The following TBCA variants were observed in gnomAD, a reference collection of about 807,000 sequenced individuals.
TBCA encodes the protein tubulin folding cofactor A, also known as tubulin-specific chaperone A.
Under a neutral mutation model 15.8 loss-of-function variants are expected in TBCA, and 6 were observed. The ratio of observed to expected loss-of-function variants is 0.38; its 90% CI spans 0.21 to 0.75. The LOEUF (loss-of-function observed/expected upper bound fraction) is 0.75, where lower values mean the gene tolerates loss of function less well. TBCA is among the 30% of genes least tolerant of loss of function. The pLI is 0.46. For missense variants in TBCA, 90 were observed against 131.2 expected (o/e 0.69, Z 1.53); for synonymous variants, 32 against 42.3 (o/e 0.76, Z 0.94).
intron 1 of TBCA, 57 bp from the exon 2 acceptor site, chr5:77,708,404 A>G (rs9791128): frequency 0.12 from 122,373 of 1,008,324 alleles, 10,439 homozygotes; most frequent in East Asian, 0.38. Flanking sequence ...ACCATAAGAA[A>G]GAAACTGTGT....
intron 1 of TBCA, chr5:77,708,627 T>C (rs1363527837): frequency 5.7e-6 from 1 of 175,038 alleles, no homozygotes; most frequent in Admixed American, 5.9e-5. Flanking sequence ...TGGAGTGCAG[T>C]GGCGAGATCT....
chr5:77,712,496 T>C (rs1040529060), intron 1 of TBCA, among the ~76,000 whole-genome samples: 1 of 152,168 alleles, frequency 6.6e-6, no homozygotes, highest in Non-Finnish European at 1.5e-5. Flanking sequence ...ATAAGAATAC[T>C]GAAGACAAGT....
chr5:77,765,717 C>G (rs1204409312), intron 1 of TBCA, among the ~76,000 whole-genome samples: 1 of 152,116 alleles, frequency 6.6e-6, no homozygotes, highest in Non-Finnish European at 1.5e-5. Context: ...CCACACCTGG[C>G]CATCCTTATA....
intron 1 of TBCA, among the ~76,000 whole-genome samples, chr5:77,754,634 G>T (rs1747431431): frequency 6.6e-6 from 1 of 152,148 alleles, no homozygotes; most frequent in Admixed American, 6.5e-5. Context: ...AGAACCTTAA[G>T]ATTATATACA....
At chr5:77,720,221 C>T (rs1390774786) in intron 1 of TBCA, among the ~76,000 whole-genome samples, 5 of 152,034 alleles carry the variant, frequency 3.3e-5, no homozygotes, top group African/African-American at 1.2e-4. Flanking sequence ...ACTGGTTTGG[C>T]TAAGTCTGAG....
chr5:77,767,099 T>C (rs1747796842), intron 1 of TBCA, among the ~76,000 whole-genome samples: 1 of 152,232 alleles, frequency 6.6e-6, no homozygotes, highest in Non-Finnish European at 1.5e-5. Flanking sequence ...ACTAGTAATG[T>C]AAGTTCAAAT....
intron 3 of TBCA, chr5:77,692,661 C>T: frequency 1.0e-6 from 1 of 984,530 alleles, no homozygotes; most frequent in Non-Finnish European, 1.2e-6. Context: ...AGCATTTAAA[C>T]TGTCAAGAAA....
chr5:77,753,556 G>A (rs1438065602), intron 1 of TBCA, among the ~76,000 whole-genome samples: 5 of 152,138 alleles, frequency 3.3e-5, no homozygotes, highest in Admixed American at 2.6e-4. Flanking sequence ...AGGCAGCAGG[G>A]TATAGCTTCT....
At chr5:77,696,076 G>T (rs2662357) in intron 2 of TBCA, among the ~76,000 whole-genome samples, 58,169 of 151,914 alleles carry the variant, frequency 0.38, 11,177 homozygotes, top group South Asian at 0.41. Flanking sequence ...AGAAAGAAGA[G>T]TTCTGTGAAA....
At chr5:77,723,583 G>T (rs1028573334) in intron 1 of TBCA, among the ~76,000 whole-genome samples, 2 of 151,838 alleles carry the variant, frequency 1.3e-5, no homozygotes, top group African/African-American at 4.8e-5. Flanking sequence ...TGGACTACTT[G>T]TTCTTCCAAA....
intron 2 of TBCA, among the ~76,000 whole-genome samples, chr5:77,701,083 G>T (rs1746001297): frequency 6.6e-6 from 1 of 152,136 alleles, no homozygotes. Flanking sequence ...TAATTAAAGA[G>T]CTTTTGCATG....
intron 1 of TBCA, among the ~76,000 whole-genome samples, chr5:77,730,308 G>T (rs956747771): frequency 6.6e-6 from 1 of 152,178 alleles, no homozygotes; most frequent in African/African-American, 2.4e-5. Context: ...TGAAGACAGA[G>T]ATAGAGATTG....
chr5:77,771,675 C>T (rs1184241475), intron 1 of TBCA, among the ~76,000 whole-genome samples: 1 of 152,194 alleles, frequency 6.6e-6, no homozygotes, highest in African/African-American at 2.4e-5. Context: ...GGCTGGATCT[C>T]CTACACGCCA....
At chr5:77,738,123 CTGTT>C (rs1174436092) in intron 1 of TBCA, among the ~76,000 whole-genome samples, 1 of 152,208 alleles carries the variant, frequency 6.6e-6, no homozygotes, top group Non-Finnish European at 1.5e-5. Flanking sequence ...CACTATTTAA[CTGTT>C]TGTCAATGTT....
chr5:77,741,548 C>G, intron 1 of TBCA, among the ~76,000 whole-genome samples: 1 of 151,610 alleles, frequency 6.6e-6, no homozygotes, highest in East Asian at 1.9e-4. Context: ...AAAGAAGTAA[C>G]AGCAAAAGAA....
rs373716840 is a variant in TBCA, at chr5:77,698,012, T to C, written c.160-4660A>G. Among the ~76,000 whole-genome samples the C allele has an allele frequency of 7.9e-5, 12 of 152,014 alleles. No homozygotes were observed. The East Asian group carries it at 2.1e-3, about 27-fold the overall frequency. On this transcript the variant is annotated intron_variant, in intron 2 of 3. Transcript: ENST00000380377. ...ACACACATCTGTAGTCTCAGCTACTTGGGAGGCCAAAATGGGAGGGTTGCT... is the reference window on the plus strand; with the variant it reads ...ACACACATCTGTAGTCTCAGCTACTCGGGAGGCCAAAATGGGAGGGTTGCT...
chr5:77,761,808 T>C (rs966214846), intron 1 of TBCA, among the ~76,000 whole-genome samples: 23 of 152,174 alleles, frequency 1.5e-4, no homozygotes, highest in African/African-American at 5.6e-4. Flanking sequence ...TTTTGTCTCT[T>C]CACTCTGCTA....
At chr5:77,695,675 T>A (rs748103493) in intron 2 of TBCA, among the ~76,000 whole-genome samples, 5 of 152,232 alleles carry the variant, frequency 3.3e-5, no homozygotes, top group African/African-American at 4.8e-5. Context: ...ATGAATATTA[T>A]CTTTCAAAGT....
At chr5:77,760,186 C>T (rs530471808) in intron 1 of TBCA, among the ~76,000 whole-genome samples, 13 of 152,114 alleles carry the variant, frequency 8.5e-5, no homozygotes, top group Admixed American at 3.9e-4. Context: ...CAATAGGACA[C>T]TGAAATGGAG....
Sources: gnomAD v4.1 joint callset for allele counts (sites outside exome capture counted in the v4.1 genomes callset) on GRCh38, gnomAD v4.1.1 for gene constraint, MANE v1.5 for transcripts, NCBI Gene and HGNC (gene_info 2026-07-23, HGNC 2026-07-21) for gene names.